Variants in ME3 observed in about 807,000 individuals in gnomAD.
ME3 encodes malic enzyme 3.
Under a neutral mutation model 68.9 loss-of-function variants are expected in ME3, and 48 were observed. The observed-to-expected ratio is 0.70, with a 90% CI of 0.55 to 0.89. The LOEUF (loss-of-function observed/expected upper bound fraction) is 0.89, where lower values mean the gene tolerates loss of function less well. ME3 is among the 40% of genes least tolerant of loss of function. The probability of loss-of-function intolerance (pLI) is 0.00; values close to 1 mark genes in which losing one functional copy is unlikely to be tolerated. For synonymous variants in ME3, 320 were observed against 318.8 expected, an observed-to-expected ratio of 1.00 and a Z score of -0.04; for missense variants, 675 against 797.4, an observed-to-expected ratio of 0.85 and a Z score of 1.85.
chr11:86,629,205 A>G (rs1368349893), intron 2 of ME3, among the ~76,000 whole-genome samples: 2 of 152,212 alleles, frequency 1.3e-5, no homozygotes, highest in African/African-American at 4.8e-5. Context: ...AATGTCTAGC[A>G]TCTCGAGTTC....
At chr11:86,471,141 CT>C (rs1163128094) in intron 7 of ME3, among the ~76,000 whole-genome samples, 18,738 of 74,430 alleles carry the variant, frequency 0.25, 2,763 homozygotes, top group Middle Eastern at 0.34. Context: ...AGGCCCAGAG[CT>C]TTTTTTTTTT....
At chr11:86,442,721 G>T in intron 14 of ME3, 100 bp downstream of exon 14, 3 of 967,570 alleles carry the variant, frequency 3.1e-6, no homozygotes, top group East Asian at 2.5e-5. Flanking sequence ...AGGAGATCCA[G>T]TGTCTCCACA....
At chr11:86,494,474 T>G (rs1421159812) in intron 6 of ME3, among the ~76,000 whole-genome samples, 1 of 151,938 alleles carries the variant, frequency 6.6e-6, no homozygotes, top group Non-Finnish European at 1.5e-5. Flanking sequence ...TATCTGAAAA[T>G]TGGGAGAATA....
In ME3 at chr11:86,560,581, G is replaced by A. The variant is rs1377319063; in HGVS notation, c.184-758C>T. ...TTAACATTTGACATTAGTATTATACGTTCATTAGAGTCAATGAACCAGTAA... is the reference window on the plus strand; with the variant it reads ...TTAACATTTGACATTAGTATTATACATTCATTAGAGTCAATGAACCAGTAA... On this transcript the variant is annotated intron_variant, in intron 2 of 14. Transcript: ENST00000543262. 2.6e-5 allele frequency among the ~76,000 whole-genome samples: 4 copies of A among 151,470 alleles called. No homozygotes were observed. The South Asian group carries it at 8.4e-4, about 32-fold the overall frequency.
At chr11:86,591,923 A>G (rs1166905075) in intron 2 of ME3, among the ~76,000 whole-genome samples, 2 of 152,270 alleles carry the variant, frequency 1.3e-5, no homozygotes, top group South Asian at 2.1e-4. Context: ...CAGCCAAACC[A>G]TATCAGACAT....
Position 86,450,009 on chromosome 11 carries a change from G to T in ME3, c.1018-7C>A. 1 of 1,586,086 alleles carries T rather than the reference G, an allele frequency of 6.3e-7. No homozygotes were observed. Among genetic ancestry groups the T allele is most frequent in the Non-Finnish European group, 8.6e-7 (1 of 1,159,048 alleles). On this transcript the variant is annotated splice_region_variant and splice_polypyrimidine_tract_variant and intron_variant, in intron 9 of 14. Transcript: ENST00000543262. ...GGGCAATGCCCATAGCTGCCTGGAAGGTACCATAGGGTAGATGTTCAGACA... is the reference window on the plus strand; with the variant it reads ...GGGCAATGCCCATAGCTGCCTGGAATGTACCATAGGGTAGATGTTCAGACA...
At chr11:86,449,560 T>G (rs911776177) in intron 10 of ME3, among the ~76,000 whole-genome samples, 2 of 152,114 alleles carry the variant, frequency 1.3e-5, no homozygotes, top group African/African-American at 4.8e-5. Flanking sequence ...GGAGAGCAAT[T>G]CAGGCAGAAC....
At chr11:86,468,133 C>T (rs189995506) in intron 7 of ME3, among the ~76,000 whole-genome samples, 5 of 152,284 alleles carry the variant, frequency 3.3e-5, no homozygotes, top group African/African-American at 9.6e-5. Flanking sequence ...CTCTTCACTT[C>T]CACTGCACCT....
In ME3 at chr11:86,450,377, GC is replaced by G; in HGVS notation, c.940del (p.Ala314GlnfsTer39). On this transcript the variant is annotated frameshift_variant, in exon 9 of 15. Transcript: ENST00000543262. LOFTEE classifies it high-confidence loss of function. Reference sequence around the variant, plus strand: ...GATTCGCAGAGCAGCCAAGATCCCTGCCACAGCAACGGAGGCTGTGCCTGAA... The same window carrying G: ...GATTCGCAGAGCAGCCAAGATCCCTGCACAGCAACGGAGGCTGTGCCTGAA... The G allele has an allele frequency of 6.2e-7, 1 of 1,614,102 alleles. No homozygotes were observed. The highest frequency in any genetic ancestry group is 8.5e-7 in the Non-Finnish European group (1 of 1,179,980).
rs552357084 is a variant in ME3 at position 86,525,808 on chromosome 11, G to C, written c.468-16941C>G. Among the ~76,000 whole-genome samples, 128 of 151,450 alleles carry C rather than the reference G, an allele frequency of 8.5e-4. 1 individual carries two copies. Among genetic ancestry groups the C allele is most frequent in the Admixed American group, 8.3e-3 (127 of 15,232 alleles). On this transcript the variant is annotated intron_variant, in intron 4 of 14. Transcript: ENST00000543262. ...ACCCAGGAGGCAGAGGTTGCAGTGA[G>C]GTGAGATCGTGCCATTGCACTCCAG...
chr11:86,608,062 C>T (rs1379106037), intron 2 of ME3, among the ~76,000 whole-genome samples: 2 of 152,116 alleles, frequency 1.3e-5, no homozygotes, highest in Non-Finnish European at 2.9e-5. Context: ...TTAATTTAAA[C>T]ATAAGCAGCA....
chr11:86,560,742 G>GTATATATATA lies in ME3; in HGVS notation c.184-920_184-919insTATATATATA, dbSNP rs1201892920. Among the ~76,000 whole-genome samples the GTATATATATA allele has an allele frequency of 1.7e-3, 100 of 58,276 alleles. No homozygotes were observed. In the Middle Eastern group the frequency reaches 0.026, roughly 15 times the overall value. 38.2% of individuals were successfully genotyped at this position (58,276 alleles called of 152,430 possible). A position where few individuals can be genotyped will look rare whatever the true frequency, so the allele number is the denominator to read the frequency against. Reference sequence around the variant, plus strand: ...TGTGTGTGTATGTGTGTGTGTGTGTGTGTGTGTATATATATATATATATAT... The same window carrying GTATATATATA: ...TGTGTGTGTATGTGTGTGTGTGTGTGTATATATATATGTGTGTATATATATATATATATAT... On this transcript the variant is annotated intron_variant, in intron 2 of 14. Transcript: ENST00000543262.
intron 4 of ME3, among the ~76,000 whole-genome samples, chr11:86,542,897 C>A (rs1353585344): frequency 2.6e-5 from 4 of 152,066 alleles, no homozygotes; most frequent in African/African-American, 9.7e-5. Flanking sequence ...TTAAGGGCAG[C>A]CAGAGAGAAA....
At chr11:86,537,791 T>C (rs955321766) in intron 4 of ME3, among the ~76,000 whole-genome samples, 29 of 152,156 alleles carry the variant, frequency 1.9e-4, no homozygotes, top group East Asian at 1.7e-3. Flanking sequence ...ACAAGTAACA[T>C]CTGTATTGGC....
In ME3 at chr11:86,447,306, A is replaced by G. The variant is rs1019209487; in HGVS notation, c.1238-99T>C. The stretch of plus-strand genomic sequence containing the variant: ...GGGGGAACTAGGAATACCATGAAAG[A>G]CTCGGTCTTGGGCCCAGCATCTGCC... On this transcript the variant is annotated intron_variant, in intron 11 of 14. Coordinates refer to ENST00000543262, the Ensembl canonical transcript of ME3. The G allele has an allele frequency of 2.7e-6, 4 of 1,492,870 alleles. No individual in the cohort carries two copies. In the Admixed American group the frequency reaches 5.8e-5, roughly 22 times the overall value. 92.5% of individuals were successfully genotyped at this position (1,492,870 alleles called of 1,614,324 possible).
At chr11:86,525,628 C>A in intron 4 of ME3, among the ~76,000 whole-genome samples, 1 of 152,050 alleles carries the variant, frequency 6.6e-6, no homozygotes, top group East Asian at 1.9e-4. Flanking sequence ...TCTGGGAGGC[C>A]AAGGTGGGTG....
In ME3 at chr11:86,582,909, G is replaced by GAA. The variant is rs569043456; in HGVS notation, c.184-23088_184-23087dup. Among the ~76,000 whole-genome samples the GAA allele has an allele frequency of 5.7e-5, 8 of 140,212 alleles. No homozygotes were observed. In the South Asian group the frequency reaches 9.1e-4, roughly 16 times the overall value. 92.0% of individuals were successfully genotyped at this position (140,212 alleles called of 152,430 possible). On this transcript the variant is annotated intron_variant, in intron 2 of 14. Coordinates refer to ENST00000543262, the Ensembl canonical transcript of ME3. ...CTTTCTCTGTATTATCCATGGTAAG[G>GAA]AAAAAAAAAAAAAGAAGACAGAACA... is the stretch of plus-strand genomic sequence containing the variant.
At chr11:86,480,406 A>G (rs1951330418) in intron 7 of ME3, among the ~76,000 whole-genome samples, 1 of 152,190 alleles carries the variant, frequency 6.6e-6, no homozygotes, top group Non-Finnish European at 1.5e-5. Context: ...AAATAGGCAT[A>G]TTTTTTGGGA....
intron 3 of ME3, 52 bp from the exon 4 acceptor site, chr11:86,556,754 A>C: frequency 6.3e-7 from 1 of 1,584,710 alleles, no homozygotes. Flanking sequence ...GCAGGCCCTG[A>C]TGCCTCTGTG....
Sources: allele counts gnomAD v4.1 joint callset (sites outside exome capture counted in the v4.1 genomes callset), GRCh38; gene constraint gnomAD v4.1.1; transcripts MANE v1.5; gene names NCBI Gene and HGNC (gene_info 2026-07-23, HGNC 2026-07-21).